The following NYAP2 variants were observed in gnomAD, a reference collection of about 807,000 sequenced individuals.
NYAP2 encodes neuronal tyrosine-phosphorylated phosphoinositide-3-kinase adaptor 2.
Under a neutral mutation model 50.4 loss-of-function variants are expected in NYAP2, and 23 were observed. That is an observed-to-expected ratio of 0.46 (90% CI 0.33 to 0.65). NYAP2 has a LOEUF of 0.65. Ranked by LOEUF, NYAP2 falls within the 30% of genes least tolerant of loss-of-function variation. The probability of loss-of-function intolerance (pLI) is 0.02; values close to 1 mark genes in which losing one functional copy is unlikely to be tolerated. For synonymous variants in NYAP2, 394 were observed against 365.2 expected (o/e 1.08, Z -0.90); for missense variants, 885 against 861.0 (o/e 1.03, Z -0.35).
chr2:225,481,832 G>T (rs1690211559), intron 3 of NYAP2, among the ~76,000 whole-genome samples: 1 of 152,010 alleles, frequency 6.6e-6, no homozygotes, highest in South Asian at 2.1e-4. Flanking sequence ...TCCTAGTTTG[G>T]TCCAACATTG....
the NYAP2 span, among the ~76,000 whole-genome samples, chr2:225,685,330 G>C: frequency 1.3e-5 from 2 of 152,036 alleles, no homozygotes; most frequent in Non-Finnish European, 2.9e-5. Context: ...TTGTATTAAT[G>C]CTAATATAAA....
chr2:225,672,694 C>T, the NYAP2 span, among the ~76,000 whole-genome samples: 70 of 152,136 alleles, frequency 4.6e-4, no homozygotes, highest in South Asian at 0.014. Context: ...TGATTCAAAG[C>T]GAGTAATGTG....
chr2:225,659,432 G>C, the NYAP2 span, among the ~76,000 whole-genome samples: 2 of 152,172 alleles, frequency 1.3e-5, no homozygotes, highest in Non-Finnish European at 2.9e-5. Flanking sequence ...ATCATTGTAG[G>C]TGTGTTCCCT....
chr2:225,566,946 C>T (rs1261199762), intron 4 of NYAP2, among the ~76,000 whole-genome samples: 2 of 151,774 alleles, frequency 1.3e-5, no homozygotes, highest in African/African-American at 4.8e-5. Flanking sequence ...TGTGTGTTTG[C>T]ATATACAGTC....
At chr2:225,403,719 TAAAAG>T (rs760086256) in intron 2 of NYAP2, among the ~76,000 whole-genome samples, 8 of 151,922 alleles carry the variant, frequency 5.3e-5, no homozygotes, top group Non-Finnish European at 1.0e-4. Context: ...AATACCTTAA[TAAAAG>T]ATAAAAGGAC....
At chr2:225,588,181 T>C (rs181677364) in intron 5 of NYAP2, among the ~76,000 whole-genome samples, 12 of 152,238 alleles carry the variant, frequency 7.9e-5, no homozygotes, top group South Asian at 2.1e-4. Flanking sequence ...CTGCCTCGGC[T>C]TCCCAAAGTG....
At chr2:225,457,414 C>T (rs1176702346) in intron 3 of NYAP2, among the ~76,000 whole-genome samples, 3 of 152,042 alleles carry the variant, frequency 2.0e-5, no homozygotes, top group Non-Finnish European at 2.9e-5. Context: ...TTAAAAAAAG[C>T]ACTTTGAACT....
intron 4 of NYAP2, among the ~76,000 whole-genome samples, chr2:225,547,379 C>G (rs899777016): frequency 6.6e-6 from 1 of 152,204 alleles, no homozygotes; most frequent in Non-Finnish European, 1.5e-5. Flanking sequence ...CAGGACAGCA[C>G]TAACACTTGC....
intron 3 of NYAP2, among the ~76,000 whole-genome samples, chr2:225,475,596 T>C (rs1690089400): frequency 6.6e-6 from 1 of 152,214 alleles, no homozygotes; most frequent in Non-Finnish European, 1.5e-5. Context: ...TGAAAAATTG[T>C]TTAGTTAGGC....
At chr2:225,665,500 AAC>A in the NYAP2 span, among the ~76,000 whole-genome samples, 415 of 151,998 alleles carry the variant, frequency 2.7e-3, no homozygotes, top group African/African-American at 9.6e-3. Context: ...ACAACTGGTG[AAC>A]AGTCTCATGA....
At chr2:225,430,606 C>T (rs186635014) in intron 3 of NYAP2, among the ~76,000 whole-genome samples, 31 of 152,254 alleles carry the variant, frequency 2.0e-4, no homozygotes, top group South Asian at 6.2e-4. Flanking sequence ...GAATTAGTTA[C>T]TATTATTAAC....
chr2:225,554,565 G>A (rs190096896), intron 4 of NYAP2, among the ~76,000 whole-genome samples: 2 of 152,002 alleles, frequency 1.3e-5, no homozygotes, highest in East Asian at 1.9e-4. Context: ...CTCATGATCT[G>A]CCTGTCTCAG....
At chr2:225,519,541 G>A (rs969349976) in intron 4 of NYAP2, among the ~76,000 whole-genome samples, 1 of 151,114 alleles carries the variant, frequency 6.6e-6, no homozygotes, top group Non-Finnish European at 1.5e-5. Flanking sequence ...TTGTTCTTGC[G>A]ATAGTTTACT....
At chr2:225,585,494 G>GTACT (rs1419079469) in intron 5 of NYAP2, among the ~76,000 whole-genome samples, 1 of 152,218 alleles carries the variant, frequency 6.6e-6, no homozygotes, top group African/African-American at 2.4e-5. Context: ...CAAGCTTTGT[G>GTACT]TACTTCTAAA....
chr2:225,552,745 C>T (rs1691700291), intron 4 of NYAP2, among the ~76,000 whole-genome samples: 1 of 152,188 alleles, frequency 6.6e-6, no homozygotes, highest in Non-Finnish European at 1.5e-5. Context: ...GGCTGGAGTG[C>T]AGTGGCGTGA....
chr2:225,403,652 A>G (rs890633594), intron 2 of NYAP2, among the ~76,000 whole-genome samples: 1 of 151,946 alleles, frequency 6.6e-6, no homozygotes, highest in Non-Finnish European at 1.5e-5. Context: ...ACAACTTTAT[A>G]TCTTGGAAAA....
exon 1 of NYAP2, chr2:225,400,190 A>G (rs1694837351): frequency 6.6e-6 from 1 of 152,110 alleles, no homozygotes; most frequent in East Asian, 1.9e-4. Context: ...GAACGCTGGC[A>G]GCCTTGCCGT....
At chr2:225,435,119 G>C (rs1444663692) in intron 3 of NYAP2, among the ~76,000 whole-genome samples, 1 of 151,980 alleles carries the variant, frequency 6.6e-6, no homozygotes, top group Non-Finnish European at 1.5e-5. Context: ...ATGATCTTTT[G>C]TGTGTTTTGC....
intron 5 of NYAP2, among the ~76,000 whole-genome samples, chr2:225,584,707 C>T (rs1029100610): frequency 3.6e-4 from 55 of 152,078 alleles, no homozygotes; most frequent in African/African-American, 1.3e-3. Flanking sequence ...TTTCCCTTTA[C>T]CCAGAGACTT....
Sources: gnomAD v4.1 joint callset for allele counts (sites outside exome capture counted in the v4.1 genomes callset) on GRCh38, gnomAD v4.1.1 for gene constraint, MANE v1.5 for transcripts, NCBI Gene and HGNC (gene_info 2026-07-23, HGNC 2026-07-21) for gene names.